SH3GL3: variants seen among roughly 807,000 people sequenced by gnomAD.
The protein encoded by SH3GL3 is endophilin-A3.
In SH3GL3, 33 loss-of-function variants were observed where a neutral mutation model predicts 47.7. That is an observed-to-expected ratio of 0.69 (90% CI 0.52 to 0.92). The LOEUF (loss-of-function observed/expected upper bound fraction) is 0.92. Among genes scored for constraint, SH3GL3 ranks in the 40% least tolerant of loss-of-function variants. The pLI, the probability that SH3GL3 is intolerant of heterozygous loss-of-function variation, is 0.00. For missense variants in SH3GL3, 363 were observed against 417.8 expected (o/e 0.87, Z 1.14); for synonymous variants, 155 against 148.8 (o/e 1.04, Z -0.30).
intron 2 of SH3GL3, among the ~76,000 whole-genome samples, chr15:83,560,973 CAT>C (rs1814656081): frequency 6.6e-6 from 1 of 152,086 alleles, no homozygotes; most frequent in South Asian, 2.1e-4. Flanking sequence ...CACTACATAA[CAT>C]AGCATCTGAA....
intron 1 of SH3GL3, among the ~76,000 whole-genome samples, chr15:83,477,613 C>T (rs779740502): frequency 3.9e-5 from 6 of 152,056 alleles, no homozygotes; most frequent in African/African-American, 1.2e-4. Flanking sequence ...AATGTTTTGG[C>T]GTCTATTGGA....
At chr15:83,575,787 T>C (rs1004587087) in intron 5 of SH3GL3, among the ~76,000 whole-genome samples, 2 of 152,198 alleles carry the variant, frequency 1.3e-5, no homozygotes, top group Admixed American at 6.5e-5. Flanking sequence ...AGTTTCTACA[T>C]ACACTTTCGA....
chr15:83,478,323 A>C (rs997354820), intron 1 of SH3GL3, among the ~76,000 whole-genome samples: 2 of 152,194 alleles, frequency 1.3e-5, no homozygotes, highest in African/African-American at 4.8e-5. Context: ...TTCTTCAGGT[A>C]ATATGAAGAG....
chr15:83,595,290 G>A (rs1397825923), intron 8 of SH3GL3, among the ~76,000 whole-genome samples: 1 of 152,130 alleles, frequency 6.6e-6, no homozygotes, highest in Admixed American at 6.5e-5. Context: ...TTGTAAGTGG[G>A]AGCTAAACAT....
intron 1 of SH3GL3, among the ~76,000 whole-genome samples, chr15:83,509,463 T>C (rs1240795066): frequency 6.6e-6 from 1 of 152,202 alleles, no homozygotes; most frequent in Non-Finnish European, 1.5e-5. Flanking sequence ...CCTAACTATT[T>C]AGTAGACCAG....
chr15:83,536,778 A>G (rs939097683), intron 1 of SH3GL3, among the ~76,000 whole-genome samples: 1 of 151,898 alleles, frequency 6.6e-6, no homozygotes, highest in Non-Finnish European at 1.5e-5. Flanking sequence ...TTCATTTTTC[A>G]TGGTAGCCTT....
At chr15:83,491,011 G>A in intron 1 of SH3GL3, 1 of 1,543,290 alleles carries the variant, frequency 6.5e-7, no homozygotes, top group South Asian at 1.2e-5. Context: ...GATCTTCATG[G>A]TGAAAAGTGG....
chr15:83,514,458 G>A (rs1450680920), intron 1 of SH3GL3, among the ~76,000 whole-genome samples: 1 of 152,146 alleles, frequency 6.6e-6, no homozygotes, highest in African/African-American at 2.4e-5. Flanking sequence ...AGAGAAAATT[G>A]ATAAAATAAA....
At chr15:83,535,489 T>A (rs1737176576) in intron 1 of SH3GL3, among the ~76,000 whole-genome samples, 1 of 152,102 alleles carries the variant, frequency 6.6e-6, no homozygotes, top group Admixed American at 6.5e-5. Flanking sequence ...CATAACAGAA[T>A]AAATCTCCCT....
chr15:83,463,754 G>GCTTTCTTTT (rs2040418548), intron 1 of SH3GL3, among the ~76,000 whole-genome samples: 2 of 109,504 alleles, frequency 1.8e-5, no homozygotes, highest in Non-Finnish European at 3.8e-5. Flanking sequence ...TCCCATGTCT[G>GCTTTCTTTT]CTTTCTTTCT....
At chr15:83,566,946 A>G (rs1371806584) in intron 3 of SH3GL3, among the ~76,000 whole-genome samples, 9 of 152,352 alleles carry the variant, frequency 5.9e-5, no homozygotes, top group Non-Finnish European at 7.3e-5. Flanking sequence ...GGTTATTTAC[A>G]TACACATTAA....
chr15:83,584,193 C>T (rs562458040), intron 6 of SH3GL3, among the ~76,000 whole-genome samples: 1 of 152,256 alleles, frequency 6.6e-6, no homozygotes, highest in South Asian at 2.1e-4. Context: ...TTCTTCGCTT[C>T]CTCCCTCTTC....
At chr15:83,561,246 A>AG (rs1158242577) in intron 2 of SH3GL3, among the ~76,000 whole-genome samples, 4 of 152,118 alleles carry the variant, frequency 2.6e-5, no homozygotes, top group African/African-American at 4.8e-5. Flanking sequence ...AGAAAAAAAA[A>AG]CTCGATAAAT....
intron 1 of SH3GL3, among the ~76,000 whole-genome samples, chr15:83,480,514 A>G (rs957382679): frequency 6.6e-6 from 1 of 152,202 alleles, no homozygotes; most frequent in Non-Finnish European, 1.5e-5. Context: ...GGAGGATTGC[A>G]AGGCTCGGGC....
At chr15:83,533,865 A>G (rs753102824) in intron 1 of SH3GL3, among the ~76,000 whole-genome samples, 9 of 152,074 alleles carry the variant, frequency 5.9e-5, no homozygotes, top group Admixed American at 1.3e-4. Flanking sequence ...TGCTGAGCCA[A>G]TTTGTCTTCC....
At chr15:83,619,246 A>G (rs1319585740), downstream of SH3GL3, among the ~76,000 whole-genome samples, 1 of 152,196 alleles carries the variant, frequency 6.6e-6, no homozygotes, top group Non-Finnish European at 1.5e-5. Flanking sequence ...ACGACCACAT[A>G]CAGACACACC....
At chr15:83,577,946 T>A (rs1423534592) in intron 6 of SH3GL3, among the ~76,000 whole-genome samples, 1 of 152,198 alleles carries the variant, frequency 6.6e-6, no homozygotes, top group Non-Finnish European at 1.5e-5. Flanking sequence ...ATCCCCCAGC[T>A]CTCTGGTGCC....
chr15:83,605,114 T>A (rs937467293), intron 8 of SH3GL3, among the ~76,000 whole-genome samples: 2 of 152,210 alleles, frequency 1.3e-5, no homozygotes, highest in African/African-American at 2.4e-5. Flanking sequence ...TGTACAGAGA[T>A]CACAGACGTG....
chr15:83,578,194 G>A (rs1312567070), intron 6 of SH3GL3, among the ~76,000 whole-genome samples: 1 of 152,180 alleles, frequency 6.6e-6, no homozygotes, highest in Admixed American at 6.5e-5. Context: ...CACGCAGCTG[G>A]GGGTGGCCTC....
Sources: allele counts gnomAD v4.1 joint callset (sites outside exome capture counted in the v4.1 genomes callset), GRCh38; gene constraint gnomAD v4.1.1; transcripts MANE v1.5; gene names NCBI Gene and HGNC (gene_info 2026-07-23, HGNC 2026-07-21).